Variants in PHYHIPL observed in about 807,000 individuals in gnomAD.
PHYHIPL encodes phytanoyl-CoA 2-hydroxylase interacting protein like.
Under a neutral mutation model 33.4 loss-of-function variants are expected in PHYHIPL, and 9 were observed. The ratio of observed to expected loss-of-function variants is 0.27; its 90% CI spans 0.16 to 0.47. PHYHIPL has a LOEUF of 0.47. PHYHIPL is among the 20% of genes least tolerant of loss of function. The probability of loss-of-function intolerance (pLI) is 0.99; values close to 1 mark genes in which losing one functional copy is unlikely to be tolerated. For missense variants in PHYHIPL, 365 were observed against 460.7 expected (o/e 0.79, Z 1.90); for synonymous variants, 153 against 154.1 (o/e 0.99, Z 0.05).
In PHYHIPL at chr10:59,203,004, T is replaced by C. The variant is rs1839168255; in HGVS notation, c.106+26045T>C. Among the ~76,000 whole-genome samples the C allele has an allele frequency of 2.6e-5, 4 of 152,228 alleles. No homozygotes were observed. The South Asian group carries it at 8.3e-4, about 32-fold the overall frequency. On this transcript the variant is annotated intron_variant, in intron 1 of 4. Transcript: ENST00000373880. ...TAGTGATTACTAAAAAGGCCATAGA[T>C]TGCAATCTACCCATCTGACAAGGGC...
chr10:59,177,457 C>G (rs1229946348), intron 1 of PHYHIPL: 9 of 1,524,436 alleles, frequency 5.9e-6, no homozygotes, highest in Non-Finnish European at 7.9e-6. Flanking sequence ...TCTTTTTAGC[C>G]TCTTGGATTG....
chr10:59,200,735 G>T (rs974697807), intron 1 of PHYHIPL, among the ~76,000 whole-genome samples: 3 of 152,052 alleles, frequency 2.0e-5, no homozygotes, highest in Non-Finnish European at 4.4e-5. Context: ...CAATTTCAGA[G>T]CCTGTTATTG....
chr10:59,211,423 C>T (rs564857296), intron 1 of PHYHIPL, among the ~76,000 whole-genome samples: 1 of 152,090 alleles, frequency 6.6e-6, no homozygotes, highest in East Asian at 1.9e-4. Context: ...GTTGCCCAGG[C>T]TGGAGTACAA....
At chr10:59,232,469 C>A (rs914607933) in intron 1 of PHYHIPL, among the ~76,000 whole-genome samples, 2 of 151,628 alleles carry the variant, frequency 1.3e-5, no homozygotes, top group African/African-American at 4.8e-5. Flanking sequence ...TTTTAACAAT[C>A]AGAATGAAAA....
At chr10:59,231,983 C>G (rs1840094906) in intron 1 of PHYHIPL, among the ~76,000 whole-genome samples, 1 of 152,046 alleles carries the variant, frequency 6.6e-6, no homozygotes, top group East Asian at 1.9e-4. Context: ...TAAGAGGAAA[C>G]AAAACTGAAA....
chr10:59,187,671 A>T (rs962409028), intron 1 of PHYHIPL, among the ~76,000 whole-genome samples: 9 of 152,006 alleles, frequency 5.9e-5, no homozygotes, highest in Non-Finnish European at 1.3e-4. Context: ...CAGAGATTCA[A>T]CTTCTTCCTG....
upstream of PHYHIPL, among the ~76,000 whole-genome samples, chr10:59,175,211 T>C (rs1193332729): frequency 6.6e-6 from 1 of 152,254 alleles, no homozygotes; most frequent in Non-Finnish European, 1.5e-5. Context: ...ACAAGAATTC[T>C]TTCAAACTTC....
chr10:59,232,087 A>G (rs910786334), intron 1 of PHYHIPL, among the ~76,000 whole-genome samples: 1 of 152,020 alleles, frequency 6.6e-6, no homozygotes, highest in Non-Finnish European at 1.5e-5. Context: ...ATAGGTTGAA[A>G]CATTTATTAC....
chr10:59,192,698 T>C (rs191316644), intron 1 of PHYHIPL, among the ~76,000 whole-genome samples: 35 of 152,264 alleles, frequency 2.3e-4, no homozygotes, highest in Middle Eastern at 6.8e-3. Flanking sequence ...ACAACATTTC[T>C]GAGACAAAAA....
chr10:59,177,349 C>A (rs1370910089), intron 1 of PHYHIPL: 4 of 924,942 alleles, frequency 4.3e-6, no homozygotes, highest in Non-Finnish European at 6.2e-6. Context: ...CTAGCAACCC[C>A]CTTCCCCCAA....
At chr10:59,219,887 G>A (rs556977217) in intron 1 of PHYHIPL, among the ~76,000 whole-genome samples, 1 of 152,028 alleles carries the variant, frequency 6.6e-6, no homozygotes, top group African/African-American at 2.4e-5. Flanking sequence ...ACAAAATACA[G>A]GTCCCTACTG....
chr10:59,244,400 G>A (rs1247067613), intron 4 of PHYHIPL, among the ~76,000 whole-genome samples: 1 of 151,426 alleles, frequency 6.6e-6, no homozygotes, highest in Non-Finnish European at 1.5e-5. Context: ...CCCGTCTGTA[G>A]TAAAAGTACA....
At chr10:59,188,529 T>C (rs1302119099) in intron 1 of PHYHIPL, among the ~76,000 whole-genome samples, 1 of 152,176 alleles carries the variant, frequency 6.6e-6, no homozygotes, top group East Asian at 1.9e-4. Context: ...CTTGTTAACT[T>C]TCTGTCTCAT....
chr10:59,238,653 A>C lies in PHYHIPL; in HGVS notation c.544A>C (p.Lys182Gln). The C allele has an allele frequency of 6.2e-7, 1 of 1,609,886 alleles. No homozygotes were observed. Among genetic ancestry groups the C allele is most frequent in the Non-Finnish European group, 8.5e-7 (1 of 1,176,646 alleles). Residue 182 changes from lysine (K) to glutamine (Q), a missense_variant, in exon 4 of 5, where the codon AAG (lysine) becomes CAG (glutamine). Lys to Gln is a moderately conservative substitution (Grantham distance 53). Transcript: ENST00000373880. ...KAEVIAGRML[K>Q]FSVFYRNQHK... ...TGAAGTGATTGCAGGACGCATGCTT[A>C]AGTTTTCTGTTTTTTATCGTAATCA...
At chr10:59,194,829 CA>C (rs1360332096) in intron 1 of PHYHIPL, among the ~76,000 whole-genome samples, 1 of 152,084 alleles carries the variant, frequency 6.6e-6, no homozygotes, top group East Asian at 1.9e-4. Context: ...ATTTATAGGC[CA>C]TGTCAAAGGT....
chr10:59,173,921 G>GTTTTTTTTTTTTTTTTT (rs368316005), upstream of PHYHIPL, among the ~76,000 whole-genome samples: 7 of 57,558 alleles, frequency 1.2e-4, 2 homozygotes, highest in African/African-American at 2.3e-4. Context: ...TACTTCTGAG[G>GTTTTTTTTTTTTTTTTT]TTTTTTTTTT....
chr10:59,226,275 T>C (rs1378841866), intron 1 of PHYHIPL, among the ~76,000 whole-genome samples: 1 of 151,962 alleles, frequency 6.6e-6, no homozygotes, highest in Non-Finnish European at 1.5e-5. Flanking sequence ...TTTCAGAATG[T>C]AAAGGAAAAG....
intron 1 of PHYHIPL, among the ~76,000 whole-genome samples, chr10:59,215,935 G>A (rs991205280): frequency 6.6e-6 from 1 of 151,972 alleles, no homozygotes; most frequent in African/African-American, 2.4e-5. Flanking sequence ...TGGGCATTAC[G>A]TTGATGCCAT....
At chr10:59,211,687 AAAAG>A (rs1320547984) in intron 1 of PHYHIPL, among the ~76,000 whole-genome samples, 1 of 151,436 alleles carries the variant, frequency 6.6e-6, no homozygotes, top group Non-Finnish European at 1.5e-5. Flanking sequence ...AAAAAAAAAA[AAAAG>A]GTATTACAAA....
Sources: gnomAD v4.1 joint callset for allele counts (sites outside exome capture counted in the v4.1 genomes callset) on GRCh38, gnomAD v4.1.1 for gene constraint, MANE v1.5 for transcripts, NCBI Gene and HGNC (gene_info 2026-07-23, HGNC 2026-07-21) for gene names.